JMJD1C: variants seen among roughly 807,000 people sequenced by gnomAD.
JMJD1C encodes jumonji domain containing 1C.
Under a neutral mutation model 245.3 loss-of-function variants are expected in JMJD1C, and 31 were observed. The ratio of observed to expected loss-of-function variants is 0.13; its 90% CI spans 0.09 to 0.17. JMJD1C has a LOEUF of 0.17. JMJD1C is among the 10% of genes least tolerant of loss of function. The pLI is 1.00. For missense variants in JMJD1C, 2,691 were observed against 3,000.2 expected, an observed-to-expected ratio of 0.90 and a Z score of 2.41; for synonymous variants, 1,057 against 1,017.4, an observed-to-expected ratio of 1.04 and a Z score of -0.74.
intron 2 of JMJD1C, among the ~76,000 whole-genome samples, chr10:63,305,464 CT>C (rs1937996681): frequency 1.9e-5 from 2 of 106,246 alleles, no homozygotes; most frequent in African/African-American, 1.3e-4. Flanking sequence ...CTGACCCTCT[CT>C]CTCTCTCTCT....
intron 1 of JMJD1C, among the ~76,000 whole-genome samples, chr10:63,457,192 G>C (rs1952468626): frequency 6.6e-6 from 1 of 152,132 alleles, no homozygotes; most frequent in Admixed American, 6.5e-5. Context: ...GAAAAGAATG[G>C]AGACGGGAAA....
intron 1 of JMJD1C, among the ~76,000 whole-genome samples, chr10:63,473,174 GA>G (rs1423725798): frequency 6.6e-6 from 1 of 151,814 alleles, no homozygotes; most frequent in Non-Finnish European, 1.5e-5. Context: ...TAATAAAGAT[GA>G]AAAAAACATT....
chr10:63,177,646 G>C, intron 23 of JMJD1C, 71 bp downstream of exon 23: 2 of 1,494,902 alleles, frequency 1.3e-6, no homozygotes, highest in South Asian at 1.2e-5. Flanking sequence ...TGAATGCCAA[G>C]TGAAGGTACG....
intron 2 of JMJD1C, among the ~76,000 whole-genome samples, chr10:63,307,591 T>C (rs759838057): frequency 1.3e-5 from 2 of 152,006 alleles, no homozygotes; most frequent in Admixed American, 1.3e-4. Context: ...CTGTATGCCA[T>C]AGAATCTTAA....
chr10:63,288,573 G>C (rs1265281354), intron 2 of JMJD1C, among the ~76,000 whole-genome samples: 4 of 152,078 alleles, frequency 2.6e-5, no homozygotes, highest in Non-Finnish European at 5.9e-5. Context: ...TTTACGTCAG[G>C]TTGTTCATGC....
chr10:63,349,127 G>A (rs1161957822), intron 2 of JMJD1C, among the ~76,000 whole-genome samples: 583 of 35,724 alleles, frequency 0.016, no homozygotes, highest in African/African-American at 0.03. Context: ...AAAAAAAAAA[G>A]CCTTCCCTCT....
At chr10:63,201,799 G>A (rs1247352878) in intron 10 of JMJD1C, among the ~76,000 whole-genome samples, 10 of 151,814 alleles carry the variant, frequency 6.6e-5, no homozygotes, top group Non-Finnish European at 1.0e-4. Flanking sequence ...GCATGGTGGC[G>A]CATACCTGTA....
intron 2 of JMJD1C, among the ~76,000 whole-genome samples, chr10:63,326,244 C>G (rs765477735): frequency 1.3e-5 from 2 of 152,028 alleles, no homozygotes; most frequent in African/African-American, 2.4e-5. Flanking sequence ...CCTGTAATCC[C>G]AGCACTTTGG....
chr10:63,183,089 G>C (rs1843684574), intron 22 of JMJD1C, among the ~76,000 whole-genome samples: 2 of 152,140 alleles, frequency 1.3e-5, no homozygotes, highest in Admixed American at 1.3e-4. Flanking sequence ...TTGAACTCCT[G>C]ACCTCCAGTG....
chr10:63,400,748 G>A (rs928485051), intron 1 of JMJD1C, among the ~76,000 whole-genome samples: 1 of 152,124 alleles, frequency 6.6e-6, no homozygotes, highest in Non-Finnish European at 1.5e-5. Context: ...TTTTAGTAGA[G>A]ACGGGGTTTC....
At chr10:63,175,875 A>G (rs1261709062) in intron 24 of JMJD1C, among the ~76,000 whole-genome samples, 1 of 152,186 alleles carries the variant, frequency 6.6e-6, no homozygotes, top group African/African-American at 2.4e-5. Flanking sequence ...ATCAACAGTT[A>G]TATAAATTAC....
chr10:63,209,333 T>C, intron 8 of JMJD1C, 98 bp from the exon 9 acceptor site: 1 of 909,136 alleles, frequency 1.1e-6, no homozygotes, highest in Non-Finnish European at 1.5e-6. Flanking sequence ...CTTGGTGGTT[T>C]ATTAGTTCAT....
At chr10:63,337,598 G>GAAAAA (rs200743415) in intron 2 of JMJD1C, among the ~76,000 whole-genome samples, 1 of 104,248 alleles carries the variant, frequency 9.6e-6, no homozygotes, top group Non-Finnish European at 1.8e-5. Flanking sequence ...GAAAAGAAAA[G>GAAAAA]AAAAGAAAAG....
At chr10:63,262,607 A>T (rs761180756) in intron 3 of JMJD1C, among the ~76,000 whole-genome samples, 11 of 152,202 alleles carry the variant, frequency 7.2e-5, no homozygotes, top group Non-Finnish European at 1.3e-4. Context: ...TTGAACTCGG[A>T]ATTCACATTT....
chr10:63,366,093 T>A (rs1945815726), intron 2 of JMJD1C, among the ~76,000 whole-genome samples: 1 of 152,210 alleles, frequency 6.6e-6, no homozygotes, highest in Admixed American at 6.5e-5. Context: ...GCACACAGTA[T>A]GGCTTTGGGC....
chr10:63,171,441 C>T (rs1842347505), intron 24 of JMJD1C, among the ~76,000 whole-genome samples: 1 of 152,244 alleles, frequency 6.6e-6, no homozygotes, highest in African/African-American at 2.4e-5. Flanking sequence ...CTTGAACAGA[C>T]AGCCCACTCT....
chr10:63,368,111 G>A (rs1268274036), intron 2 of JMJD1C, among the ~76,000 whole-genome samples: 3 of 152,166 alleles, frequency 2.0e-5, no homozygotes, highest in African/African-American at 7.2e-5. Context: ...AGTCCTGTGT[G>A]GAGCACAAGA....
At chr10:63,373,468 G>A (rs1946473916) in intron 2 of JMJD1C, among the ~76,000 whole-genome samples, 1 of 152,154 alleles carries the variant, frequency 6.6e-6, no homozygotes, top group Admixed American at 6.6e-5. Context: ...ATGATCTCAA[G>A]AAACAGCAGG....
intron 3 of JMJD1C, among the ~76,000 whole-genome samples, chr10:63,247,071 T>A (rs1589273469): frequency 1.1e-5 from 1 of 91,274 alleles, no homozygotes; most frequent in Non-Finnish European, 2.8e-5. Context: ...AAGAGGGACA[T>A]AATAAAAGTG....
Sources: allele counts gnomAD v4.1 joint callset (sites outside exome capture counted in the v4.1 genomes callset), GRCh38; gene constraint gnomAD v4.1.1; transcripts MANE v1.5; gene names NCBI Gene and HGNC (gene_info 2026-07-23, HGNC 2026-07-21).